MSH4: variants seen among roughly 807,000 people sequenced by gnomAD.
MSH4 encodes the protein mutS homolog 4.
MSH4 carries 106 observed loss-of-function variants against 113.7 expected under a neutral mutation model. The observed-to-expected ratio is 0.93, with a 90% CI of 0.80 to 1.10. MSH4 has a LOEUF of 1.10. Ranked by LOEUF, MSH4 falls within the 50% of genes least tolerant of loss-of-function variation. MSH4 has a pLI of 0.00. For missense variants in MSH4, 1,061 were observed against 1,093.7 expected (o/e 0.97, Z 0.42); for synonymous variants, 368 against 380.2 (o/e 0.97, Z 0.37).
At chr1:75,857,227 A>C (rs563565695) in intron 8 of MSH4, among the ~76,000 whole-genome samples, 1 of 152,182 alleles carries the variant, frequency 6.6e-6, no homozygotes, top group South Asian at 2.1e-4. Context: ...ATTTTCTCCC[A>C]TTCTGTAAGT....
intron 15 of MSH4, among the ~76,000 whole-genome samples, chr1:75,885,752 T>C (rs1323055271): frequency 9.1e-6 from 1 of 110,224 alleles, no homozygotes; most frequent in Non-Finnish European, 1.7e-5. Flanking sequence ...ATATATAATG[T>C]ATTATATATA....
intron 15 of MSH4, among the ~76,000 whole-genome samples, chr1:75,888,776 C>T (rs940899853): frequency 1.3e-5 from 2 of 151,718 alleles, no homozygotes; most frequent in Non-Finnish European, 2.9e-5. Context: ...TGAATGTTAT[C>T]ATTCAAGTAA....
intron 15 of MSH4, among the ~76,000 whole-genome samples, chr1:75,885,059 G>GTGTGTGTGTATATA (rs1300289205): frequency 3.6e-5 from 4 of 112,558 alleles, no homozygotes; most frequent in African/African-American, 1.6e-4. Flanking sequence ...GTGTGTGTGT[G>GTGTGTGTGTATATA]TATATATATA....
At chr1:75,893,077 C>T (rs1394308915) in intron 17 of MSH4, among the ~76,000 whole-genome samples, 1 of 152,204 alleles carries the variant, frequency 6.6e-6, no homozygotes, top group African/African-American at 2.4e-5. Context: ...AAATGTGCAT[C>T]ACTTCCTCAC....
At chr1:75,850,773 G>A (rs1411827961) in intron 8 of MSH4, among the ~76,000 whole-genome samples, 1 of 152,004 alleles carries the variant, frequency 6.6e-6, no homozygotes, top group Non-Finnish European at 1.5e-5. Context: ...TATTAAGAAA[G>A]GAGTGTCAAA....
intron 9 of MSH4, among the ~76,000 whole-genome samples, chr1:75,872,096 T>A (rs1446240445): frequency 1.3e-5 from 2 of 152,170 alleles, no homozygotes; most frequent in East Asian, 1.9e-4. Context: ...TCAACACAGT[T>A]TATTCAGCAT....
At chr1:75,835,216 A>G (rs781614350) in intron 7 of MSH4, among the ~76,000 whole-genome samples, 2 of 152,118 alleles carry the variant, frequency 1.3e-5, no homozygotes, top group African/African-American at 2.4e-5. Context: ...AATTCCAAAT[A>G]CCTTTAATTA....
In MSH4 at chr1:75,837,511, C is replaced by T. The variant is rs547843170; in HGVS notation, c.1163-10698C>T. Among the ~76,000 whole-genome samples the T allele has an allele frequency of 3.6e-4, 55 of 151,484 alleles. 1 individual carries two copies. The highest frequency in any genetic ancestry group is 1.6e-3 in the Admixed American group (24 of 15,176). On this transcript the variant is annotated intron_variant, in intron 7 of 19. Transcript: ENST00000263187. ...AAGTGATTCTCTTGCCTCAGCCTCCCGAGTAGCTGAGAATATAGGCACCCA... is the reference window on the plus strand; with the variant it reads ...AAGTGATTCTCTTGCCTCAGCCTCCTGAGTAGCTGAGAATATAGGCACCCA...
chr1:75,851,738 C>T (rs1030820933), intron 8 of MSH4, among the ~76,000 whole-genome samples: 2 of 152,280 alleles, frequency 1.3e-5, no homozygotes, highest in African/African-American at 2.4e-5. Flanking sequence ...TATTATAATA[C>T]TTTACATATG....
intron 3 of MSH4, among the ~76,000 whole-genome samples, chr1:75,807,577 T>C (rs1650096068): frequency 6.6e-6 from 1 of 152,224 alleles, no homozygotes. Context: ...AATGCGTTTT[T>C]GGTTGTACAC....
intron 19 of MSH4, among the ~76,000 whole-genome samples, chr1:75,900,295 TTTTG>T (rs201768405): frequency 2.0e-4 from 30 of 151,682 alleles, no homozygotes; most frequent in East Asian, 3.9e-4. Context: ...GGTTTTGGGG[TTTTG>T]TTTGTTTGTT....
chr1:75,839,082 A>G (rs191659847), intron 7 of MSH4, among the ~76,000 whole-genome samples: 2 of 152,332 alleles, frequency 1.3e-5, no homozygotes, highest in African/African-American at 2.4e-5. Flanking sequence ...TACTGTTTGT[A>G]TGATAAAATT....
rs544198412 is a variant in MSH4, at chr1:75,880,212, T to TA, written c.1781+60dup. 1.3e-3 allele frequency: 1,108 copies of TA among 871,504 alleles called. 13 individuals are homozygous for TA. The highest frequency in any genetic ancestry group is 6.4e-3 in the South Asian group (375 of 58,334). The allele number at this position is 871,504 out of a possible 1,614,324, so 54.0% of individuals were successfully genotyped here. ...AAATTGGTTTAATTTGAGAAACTGTTACAATTGTATTAGTTTAATTTTTAT... is the reference window on the plus strand; with the variant it reads ...AAATTGGTTTAATTTGAGAAACTGTTAACAATTGTATTAGTTTAATTTTTAT... On this transcript the variant is annotated intron_variant, in intron 13 of 19. Transcript: ENST00000263187.
intron 13 of MSH4, among the ~76,000 whole-genome samples, chr1:75,880,835 A>G (rs1651915370): frequency 6.6e-6 from 1 of 151,990 alleles, no homozygotes; most frequent in East Asian, 1.9e-4. Flanking sequence ...AATGGATGAG[A>G]GAGAAAATGC....
chr1:75,883,189 T>G (rs1651973997), intron 14 of MSH4, among the ~76,000 whole-genome samples: 2 of 138,112 alleles, frequency 1.4e-5, no homozygotes, highest in African/African-American at 5.4e-5. Flanking sequence ...TTTTTTTTTG[T>G]AGAGATAGGG....
intron 7 of MSH4, among the ~76,000 whole-genome samples, chr1:75,823,240 C>G (rs1354943930): frequency 6.6e-6 from 1 of 152,192 alleles, no homozygotes; most frequent in Non-Finnish European, 1.5e-5. Flanking sequence ...TGTATTAAGA[C>G]CTACCTTAAT....
intron 8 of MSH4, among the ~76,000 whole-genome samples, chr1:75,852,009 A>G (rs1263485294): frequency 6.6e-6 from 1 of 152,170 alleles, no homozygotes; most frequent in Non-Finnish European, 1.5e-5. Context: ...CAATCCTGCA[A>G]CCACTAGCAA....
intron 8 of MSH4, among the ~76,000 whole-genome samples, chr1:75,859,906 G>T (rs1470350755): frequency 6.6e-6 from 1 of 152,156 alleles, no homozygotes; most frequent in Non-Finnish European, 1.5e-5. Context: ...AAGTCTCTTT[G>T]TAGATCTCTA....
At chr1:75,821,973 G>T (rs1557496052) in intron 6 of MSH4, among the ~76,000 whole-genome samples, 1 of 152,036 alleles carries the variant, frequency 6.6e-6, no homozygotes, top group Non-Finnish European at 1.5e-5. Flanking sequence ...GTAATTGTAT[G>T]CACAGTAAAG....
Sources: allele counts gnomAD v4.1 joint callset (sites outside exome capture counted in the v4.1 genomes callset), GRCh38; gene constraint gnomAD v4.1.1; transcripts MANE v1.5; gene names NCBI Gene and HGNC (gene_info 2026-07-23, HGNC 2026-07-21).